MAST4: variants seen among roughly 807,000 people sequenced by gnomAD.
The protein encoded by MAST4 is microtubule-associated serine/threonine-protein kinase 4.
MAST4 carries 89 observed loss-of-function variants against 162.7 expected under a neutral mutation model. That is an observed-to-expected ratio of 0.55 (90% confidence interval 0.46 to 0.65). The LOEUF (loss-of-function observed/expected upper bound fraction) is 0.65. MAST4 is among the 30% of genes least tolerant of loss of function. The pLI, the probability that MAST4 is intolerant of heterozygous loss-of-function variation, is 0.00. For missense variants in MAST4, 3,153 were observed against 3,374.0 expected (o/e 0.93, Z 1.62); for synonymous variants, 1,479 against 1,361.1 (o/e 1.09, Z -1.91).
At position 67,034,635 on chromosome 5, in the gene MAST4, G is replaced by A. The variant is rs144665841; in HGVS notation, c.675-19769G>A. On this transcript the variant is annotated intron_variant, in intron 4 of 28. Coordinates refer to ENST00000403625, the MANE Select transcript of MAST4 (RefSeq NM_001164664.2). ...GACAGTGTGACTCTAGTTAGATTTG[G>A]CATTGCAGCTTTGACTTTGTAAGTT... 4.6e-5 allele frequency among the ~76,000 whole-genome samples: 7 copies of A among 152,236 alleles called. No individual in the cohort carries two copies. In the East Asian group the frequency reaches 1.3e-3, roughly 29 times the overall value.
At chr5:66,849,661 C>G (rs1184037924) in intron 3 of MAST4, among the ~76,000 whole-genome samples, 4 of 152,194 alleles carry the variant, frequency 2.6e-5, no homozygotes, top group East Asian at 3.8e-4. Flanking sequence ...TCTTGCCTGT[C>G]TCTTTCCACC....
At chr5:66,765,645 ATATTT>A (rs1194346573) in intron 2 of MAST4, among the ~76,000 whole-genome samples, 1 of 152,198 alleles carries the variant, frequency 6.6e-6, no homozygotes, top group Non-Finnish European at 1.5e-5. Flanking sequence ...TTACAATAAA[ATATTT>A]TATTTAACTA....
At chr5:66,795,706 C>CTA (rs201720894) in intron 3 of MAST4, among the ~76,000 whole-genome samples, 7,423 of 152,242 alleles carry the variant, frequency 0.049, 268 homozygotes, top group South Asian at 0.13. Flanking sequence ...GTGCTGCCTC[C>CTA]TATAACATCT....
chr5:66,733,650 G>T (rs1183728729), intron 1 of MAST4, among the ~76,000 whole-genome samples: 2 of 152,068 alleles, frequency 1.3e-5, no homozygotes, highest in East Asian at 1.9e-4. Context: ...GTAGAGATGG[G>T]GTTTCACTAT....
chr5:67,114,480 G>C (rs1561671589), intron 12 of MAST4: 6 of 395,458 alleles, frequency 1.5e-5, no homozygotes, highest in African/African-American at 4.3e-5. Context: ...GAGAATGCCA[G>C]AGTGTCCCAG....
chr5:66,806,995 T>C (rs1756219082), intron 3 of MAST4, among the ~76,000 whole-genome samples: 1 of 152,228 alleles, frequency 6.6e-6, no homozygotes, highest in South Asian at 2.1e-4. Flanking sequence ...CTGGGTACCA[T>C]GTCTCACATC....
At chr5:66,801,130 C>T (rs1467201147) in intron 3 of MAST4, among the ~76,000 whole-genome samples, 2 of 151,940 alleles carry the variant, frequency 1.3e-5, no homozygotes, top group East Asian at 1.9e-4. Flanking sequence ...AGTAAGCATC[C>T]CTAATATGTA....
At chr5:66,919,375 A>G (rs1426245510) in intron 4 of MAST4, among the ~76,000 whole-genome samples, 1 of 152,034 alleles carries the variant, frequency 6.6e-6, no homozygotes, top group Non-Finnish European at 1.5e-5. Context: ...GAAGGTAATA[A>G]ACAGGCCGGG....
rs562681775 is a variant in MAST4, at chr5:66,869,496, G to T, written c.643-30455G>T. 3.3e-5 allele frequency among the ~76,000 whole-genome samples: 5 copies of T among 152,268 alleles called. No individual in the cohort carries two copies. In the South Asian group the frequency reaches 1.0e-3, roughly 32 times the overall value. On this transcript the variant is annotated intron_variant, in intron 3 of 28. Transcript: ENST00000403625. Reference sequence around the variant, plus strand: ...TTTTTTCCCAGAGAAGGTAGAGAAAGAATGCATGTTGGCAGGGCGGTTACT... The same window carrying T: ...TTTTTTCCCAGAGAAGGTAGAGAAATAATGCATGTTGGCAGGGCGGTTACT...
In MAST4 at chr5:66,962,382, C is replaced by T. The variant is rs192568717; in HGVS notation, c.674+62400C>T. ...TCTCTTGAGCCCAGCAGTTCAAGTTCGGCCTGGGAGGCATATGGAGACACC... is the reference window on the plus strand; with the variant it reads ...TCTCTTGAGCCCAGCAGTTCAAGTTTGGCCTGGGAGGCATATGGAGACACC... On this transcript the variant is annotated intron_variant, in intron 4 of 28. Transcript: ENST00000403625. Among the ~76,000 whole-genome samples the T allele has an allele frequency of 2.1e-3, 319 of 152,294 alleles. 1 individual carries two copies. The highest frequency in any genetic ancestry group is 7.0e-3 in the African/African-American group (289 of 41,566).
At chr5:66,972,780 G>A (rs1182414035) in intron 4 of MAST4, among the ~76,000 whole-genome samples, 1 of 152,148 alleles carries the variant, frequency 6.6e-6, no homozygotes, top group Non-Finnish European at 1.5e-5. Context: ...AGCTGCTCCT[G>A]CTCAGAACCT....
At chr5:67,134,743 G>A in intron 18 of MAST4, 55 bp downstream of exon 18, 2 of 1,450,658 alleles carry the variant, frequency 1.4e-6, no homozygotes, top group Non-Finnish European at 9.4e-7. Context: ...GCTATTTAAT[G>A]TAAATCTGTT....
At chr5:66,949,080 A>G (rs1439599288) in intron 4 of MAST4, among the ~76,000 whole-genome samples, 1 of 152,218 alleles carries the variant, frequency 6.6e-6, no homozygotes, top group Non-Finnish European at 1.5e-5. Context: ...AGACAAAAAT[A>G]TTAAATTAAT....
At chr5:67,153,422 G>A in intron 25 of MAST4, 36 bp from the exon 26 acceptor site, 2 of 1,583,874 alleles carry the variant, frequency 1.3e-6, no homozygotes, top group South Asian at 1.2e-5. Context: ...GTAGTCATTT[G>A]TTTGCCTACA....
chr5:66,982,487 G>A (rs941491811), intron 4 of MAST4, among the ~76,000 whole-genome samples: 10 of 152,022 alleles, frequency 6.6e-5, no homozygotes, highest in African/African-American at 1.2e-4. Flanking sequence ...TGAAGCCACC[G>A]TGACAATCTA....
At chr5:67,160,273 A>G (rs1208172880) in intron 26 of MAST4, among the ~76,000 whole-genome samples, 183 bp from the exon 27 acceptor site, 1 of 152,198 alleles carries the variant, frequency 6.6e-6, no homozygotes, top group African/African-American at 2.4e-5. Flanking sequence ...GAAACTTCAT[A>G]TTTTGCCTTC....
chr5:67,167,094 C>G lies in MAST4; in HGVS notation c.*43C>G, dbSNP rs757216050. Reference sequence around the variant, plus strand: ...CAGGACTGTGGAGACCCGTCCTGAACGGGCGACTGTGTCTTGACTACCTTT... The same window carrying G: ...CAGGACTGTGGAGACCCGTCCTGAAGGGGCGACTGTGTCTTGACTACCTTT... On this transcript the variant is annotated 3_prime_UTR_variant, in exon 29 of 29. Coordinates refer to ENST00000403625, the MANE Select transcript of MAST4 (RefSeq NM_001164664.2). The G allele has an allele frequency of 6.7e-7, 1 of 1,486,688 alleles. No individual in the cohort carries two copies. The highest frequency in any genetic ancestry group is 2.4e-5 in the Admixed American group (1 of 42,534). 92.1% of individuals were successfully genotyped at this position (1,486,688 alleles called of 1,614,324 possible). A position where few individuals can be genotyped will look rare whatever the true frequency, so the allele number is the denominator to read the frequency against.
At chr5:66,801,803 A>G (rs1456944126) in intron 3 of MAST4, among the ~76,000 whole-genome samples, 1 of 152,264 alleles carries the variant, frequency 6.6e-6, no homozygotes, top group Non-Finnish European at 1.5e-5. Flanking sequence ...GTTAATTAGA[A>G]TGTAACATAC....
chr5:66,708,227 G>C (rs1000227736), intron 1 of MAST4, among the ~76,000 whole-genome samples: 5 of 152,170 alleles, frequency 3.3e-5, no homozygotes, highest in Admixed American at 2.6e-4. Context: ...TGGAAGATGA[G>C]GTTCGTGCCT....
Sources: allele counts gnomAD v4.1 joint callset (sites outside exome capture counted in the v4.1 genomes callset), GRCh38; gene constraint gnomAD v4.1.1; transcripts MANE v1.5; gene names NCBI Gene and HGNC (gene_info 2026-07-23, HGNC 2026-07-21).